The following PIBF1 variants were observed in gnomAD, a reference collection of about 807,000 sequenced individuals.
PIBF1 encodes progesterone-induced-blocking factor 1.
PIBF1 carries 90 observed loss-of-function variants against 112.5 expected under a neutral mutation model. The ratio of observed to expected loss-of-function variants is 0.80; its 90% CI spans 0.67 to 0.95. The LOEUF (loss-of-function observed/expected upper bound fraction) is 0.95. PIBF1 is among the 40% of genes least tolerant of loss of function. The pLI is 0.00. For missense variants in PIBF1, 915 were observed against 852.3 expected, an observed-to-expected ratio of 1.07 and a Z score of -0.92; for synonymous variants, 301 against 288.6, an observed-to-expected ratio of 1.04 and a Z score of -0.44.
rs369557406 is a variant in PIBF1, at chr13:72,782,167, T to C, written c.-230T>C. ...TTCCGGCGGCTTGTGGGAGTGCTGG[T>C]TCTGTCCTCCTTGCGGGTGCGGAGA... On this transcript the variant is annotated 5_prime_UTR_variant, in exon 1 of 18. Transcript: ENST00000326291. 9.6e-5 allele frequency: 26 copies of C among 271,964 alleles called. No individual in the cohort carries two copies. In the East Asian group the frequency reaches 1.3e-3, roughly 13 times the overall value. 16.8% of individuals were successfully genotyped at this position (271,964 alleles called of 1,614,324 possible).
chr13:72,978,917 C>T (rs1183736121), intron 16 of PIBF1, among the ~76,000 whole-genome samples: 1 of 152,084 alleles, frequency 6.6e-6, no homozygotes, highest in African/African-American at 2.4e-5. Context: ...ATTTCAGGCC[C>T]GATGCAGTGG....
At chr13:73,012,850 A>G (rs367755180) in intron 17 of PIBF1, among the ~76,000 whole-genome samples, 3 of 152,050 alleles carry the variant, frequency 2.0e-5, no homozygotes, top group South Asian at 4.1e-4. Context: ...TACAAAAGCT[A>G]TAGCATATAT....
At chr13:72,790,565 A>C (rs1208289704) in intron 2 of PIBF1, among the ~76,000 whole-genome samples, 2 of 149,122 alleles carry the variant, frequency 1.3e-5, no homozygotes, top group East Asian at 2.0e-4. Context: ...ATAGATAGAT[A>C]AATCAGCATA....
intron 10 of PIBF1, among the ~76,000 whole-genome samples, chr13:72,864,985 G>C (rs926698321): frequency 6.6e-6 from 1 of 152,114 alleles, no homozygotes; most frequent in Admixed American, 6.5e-5. Flanking sequence ...CTTCAGTGGT[G>C]TAGTCATCAT....
At chr13:72,803,336 A>G (rs1432660653) in intron 5 of PIBF1, among the ~76,000 whole-genome samples, 4 of 150,968 alleles carry the variant, frequency 2.6e-5, no homozygotes, top group African/African-American at 9.8e-5. Flanking sequence ...AAATTTTCTC[A>G]TTGTCGACAA....
At chr13:72,998,738 T>C (rs921956052) in intron 16 of PIBF1, 84 bp from the exon 17 acceptor site, 11 of 886,712 alleles carry the variant, frequency 1.2e-5, no homozygotes, top group Middle Eastern at 3.3e-4. Context: ...TTTCTTCTAC[T>C]TAAAAATATT....
intron 14 of PIBF1, among the ~76,000 whole-genome samples, chr13:72,935,545 C>G (rs1025813735): frequency 2.0e-5 from 3 of 152,122 alleles, no homozygotes; most frequent in Non-Finnish European, 4.4e-5. Flanking sequence ...TTTCATTTCT[C>G]TTGGGTAAAT....
At chr13:73,013,731 C>CAAAAA (rs113104076) in intron 17 of PIBF1, among the ~76,000 whole-genome samples, 9 of 113,050 alleles carry the variant, frequency 8.0e-5, no homozygotes, top group Non-Finnish European at 1.3e-4. Flanking sequence ...GAGCCTATCT[C>CAAAAA]AAAAAAAAAA....
chr13:72,926,594 G>A (rs556811210), intron 13 of PIBF1, among the ~76,000 whole-genome samples: 4 of 152,222 alleles, frequency 2.6e-5, no homozygotes, highest in Admixed American at 2.6e-4. Context: ...ACCAACTTCA[G>A]GATAAAATCC....
intron 16 of PIBF1, among the ~76,000 whole-genome samples, chr13:72,986,110 C>T (rs1436608992): frequency 6.6e-6 from 1 of 152,128 alleles, no homozygotes; most frequent in African/African-American, 2.4e-5. Context: ...CTGTAGTGAG[C>T]TGTGCTTGCA....
chr13:72,917,363 T>C (rs1003828705), intron 13 of PIBF1, among the ~76,000 whole-genome samples, 197 bp downstream of exon 13: 1 of 148,032 alleles, frequency 6.8e-6, no homozygotes, highest in African/African-American at 2.7e-5. Context: ...TTTGTAGAAG[T>C]GTGCATAAGA....
chr13:72,852,389 G>A (rs544701134), intron 9 of PIBF1, among the ~76,000 whole-genome samples: 2 of 152,296 alleles, frequency 1.3e-5, no homozygotes, highest in South Asian at 4.1e-4. Flanking sequence ...CACGGCAGCC[G>A]GTGTGCCCTG....
intron 17 of PIBF1, among the ~76,000 whole-genome samples, chr13:73,006,685 C>T (rs993439687): frequency 6.6e-6 from 1 of 151,966 alleles, no homozygotes; most frequent in Non-Finnish European, 1.5e-5. Flanking sequence ...GAGTAATCTG[C>T]CAGGCTTACT....
At chr13:73,015,788 A>G in intron 17 of PIBF1, 81 bp from the exon 18 acceptor site, 1 of 649,150 alleles carries the variant, frequency 1.5e-6, no homozygotes, top group Non-Finnish European at 2.4e-6. Flanking sequence ...AAAAAACCTC[A>G]ATGTATATAG....
chr13:72,844,412 C>T (rs2037742669), intron 9 of PIBF1, among the ~76,000 whole-genome samples: 1 of 152,054 alleles, frequency 6.6e-6, no homozygotes, highest in South Asian at 2.1e-4. Context: ...CATAGGTATA[C>T]ACATGCCATG....
chr13:72,900,417 G>A (rs1712795940), intron 11 of PIBF1, among the ~76,000 whole-genome samples: 1 of 152,122 alleles, frequency 6.6e-6, no homozygotes, highest in Admixed American at 6.6e-5. Context: ...ATAGACCAAT[G>A]GAACAGAATA....
chr13:72,855,709 A>G (rs1034521998), intron 10 of PIBF1, among the ~76,000 whole-genome samples: 10 of 152,170 alleles, frequency 6.6e-5, no homozygotes, highest in African/African-American at 2.4e-4. Context: ...AGATCATGGT[A>G]TGTAAATCAG....
chr13:72,901,688 G>GA (rs879492655), intron 11 of PIBF1, among the ~76,000 whole-genome samples: 491 of 140,116 alleles, frequency 3.5e-3, no homozygotes, highest in East Asian at 5.0e-3. Context: ...TCCTTCTCAA[G>GA]AAAAAAAAAA....
In PIBF1 at chr13:72,783,405, A is replaced by G; in HGVS notation, c.-47-18A>G. 3.7e-6 allele frequency: 4 copies of G among 1,071,142 alleles called. No individual in the cohort carries two copies. The highest frequency in any genetic ancestry group is 2.2e-5 in the Admixed American group (1 of 44,836). 66.4% of individuals were successfully genotyped at this position (1,071,142 alleles called of 1,614,324 possible). A position where few individuals can be genotyped will look rare whatever the true frequency, so the allele number is the denominator to read the frequency against. The stretch of plus-strand genomic sequence containing the variant: ...TTAATTTTATAGTACATTTGAATTA[A>G]TGTTTTTTAACCTACAGAATATTAA... On this transcript the variant is annotated intron_variant, in intron 1 of 17. Transcript: ENST00000326291.
Sources: allele counts gnomAD v4.1 joint callset (sites outside exome capture counted in the v4.1 genomes callset), GRCh38; gene constraint gnomAD v4.1.1; transcripts MANE v1.5; gene names NCBI Gene and HGNC (gene_info 2026-07-23, HGNC 2026-07-21).